ABI3BP: variants seen among roughly 807,000 people sequenced by gnomAD.
ABI3BP encodes target of Nesh-SH3.
In ABI3BP, 216 loss-of-function variants were observed where a neutral mutation model predicts 268.6. The ratio of observed to expected loss-of-function variants is 0.80; its 90% CI spans 0.72 to 0.90. ABI3BP has a LOEUF of 0.90. Ranked by LOEUF, ABI3BP falls within the 40% of genes least tolerant of loss-of-function variation. The pLI is 0.00. For missense variants in ABI3BP, 2,090 were observed against 2,182.4 expected, an observed-to-expected ratio of 0.96 and a Z score of 0.84; for synonymous variants, 730 against 730.0, an observed-to-expected ratio of 1.00 and a Z score of 0.00.
chr3:100,761,399 G>C (rs1321107787), intron 63 of ABI3BP, among the ~76,000 whole-genome samples: 3 of 152,106 alleles, frequency 2.0e-5, no homozygotes, highest in Non-Finnish European at 4.4e-5. Flanking sequence ...GCAGCTGGTA[G>C]CCAGGCTGGG....
At chr3:100,844,440 G>A (rs752869148) in intron 20 of ABI3BP, 103 of 985,206 alleles carry the variant, frequency 1.0e-4, no homozygotes, top group Admixed American at 9.2e-4. Flanking sequence ...ATTTTTACTC[G>A]TTGACTTAAC....
chr3:100,870,209 A>G (rs1162122466), intron 9 of ABI3BP, among the ~76,000 whole-genome samples: 2 of 152,230 alleles, frequency 1.3e-5, no homozygotes, highest in Non-Finnish European at 2.9e-5. Context: ...CAGCAAAGGA[A>G]GCAATAAACA....
chr3:100,832,588 A>G (rs2098512053), intron 30 of ABI3BP, among the ~76,000 whole-genome samples: 1 of 152,120 alleles, frequency 6.6e-6, no homozygotes, highest in Non-Finnish European at 1.5e-5. Context: ...AGAAACTATC[A>G]TTATTTTCTT....
At chr3:100,877,596 G>A (rs1286402645) in intron 6 of ABI3BP, among the ~76,000 whole-genome samples, 1 of 152,154 alleles carries the variant, frequency 6.6e-6, no homozygotes, top group East Asian at 1.9e-4. Context: ...GTCATTGCCA[G>A]ACATAATCAT....
intron 2 of ABI3BP, among the ~76,000 whole-genome samples, chr3:100,916,361 T>C (rs927306386): frequency 2.0e-5 from 3 of 152,218 alleles, no homozygotes; most frequent in Admixed American, 6.5e-5. Flanking sequence ...AGCTTTTCCA[T>C]GTAGGAGTGG....
At chr3:100,766,845 G>A (rs2096290216) in intron 62 of ABI3BP, among the ~76,000 whole-genome samples, 1 of 152,156 alleles carries the variant, frequency 6.6e-6, no homozygotes, top group Non-Finnish European at 1.5e-5. Context: ...AAATATGCAA[G>A]TACTGGACAT....
chr3:100,958,194 T>C lies in ABI3BP; in HGVS notation c.80-31713A>G, dbSNP rs538818921. 2.0e-5 allele frequency among the ~76,000 whole-genome samples: 3 copies of C among 152,304 alleles called. No homozygotes were observed. In the South Asian group the frequency reaches 6.2e-4, roughly 32 times the overall value. On this transcript the variant is annotated intron_variant, in intron 1 of 67. Transcript: ENST00000471714. Reference sequence around the variant, plus strand: ...TGTAAGTCTCACCTGCTGATGAAGATAAGAAATAAATTTATTATTTACAAA... The same window carrying C: ...TGTAAGTCTCACCTGCTGATGAAGACAAGAAATAAATTTATTATTTACAAA...
At chr3:100,828,344 T>C in intron 34 of ABI3BP, 49 bp downstream of exon 34, 1 of 1,474,884 alleles carries the variant, frequency 6.8e-7, no homozygotes, top group Non-Finnish European at 9.2e-7. Context: ...GGAATAAGCT[T>C]GACAGTGAGC....
In ABI3BP at chr3:100,751,577, A is replaced by C; in HGVS notation, c.5220T>G (p.Thr1740=). The part of the protein sequence containing the change: ...FLDGRTGQQL[T]SDQLPIKEGY... ...CTTCTTTGATTGGTAACTGGTCAGA[A>C]GTGAGTTGCTGCCCAGTGCGTCCAT... is the stretch of plus-strand genomic sequence containing the variant. The change falls in exon 67 of 68, where the codon ACT becomes ACG. Residue 1740 remains threonine, a synonymous_variant. Transcript: ENST00000471714. 1.3e-6 allele frequency: 2 copies of C among 1,597,008 alleles called. No homozygotes were observed. The highest frequency in any genetic ancestry group is 2.7e-5 in the African/African-American group (2 of 74,802).
intron 51 of ABI3BP, among the ~76,000 whole-genome samples, chr3:100,798,157 G>A (rs1464236247): frequency 6.6e-6 from 1 of 152,100 alleles, no homozygotes; most frequent in Non-Finnish European, 1.5e-5. Context: ...CCACCATACT[G>A]TAAATACATT....
intron 2 of ABI3BP, among the ~76,000 whole-genome samples, chr3:100,902,893 C>A (rs762794044): frequency 6.6e-6 from 1 of 152,104 alleles, no homozygotes; most frequent in Non-Finnish European, 1.5e-5. Flanking sequence ...ATTTTCCAAA[C>A]CAAATGGGCA....
In ABI3BP at chr3:100,807,073, A is replaced by C. The variant is rs184504666; in HGVS notation, c.3682+1088T>G. 7.2e-5 allele frequency among the ~76,000 whole-genome samples: 11 copies of C among 152,040 alleles called. No individual in the cohort carries two copies. The East Asian group carries it at 1.9e-3, about 27-fold the overall frequency. ...TTTCATCTTTTATAGTTCAACATTC[A>C]AGTTTTCATGGTTTCTTCTCCCCAT... On this transcript the variant is annotated intron_variant, in intron 50 of 67. Coordinates refer to ENST00000471714, the MANE Select transcript of ABI3BP (RefSeq NM_001375547.2).
chr3:100,847,029 T>C (rs2098777621), intron 19 of ABI3BP, among the ~76,000 whole-genome samples: 1 of 152,226 alleles, frequency 6.6e-6, no homozygotes, highest in Non-Finnish European at 1.5e-5. Flanking sequence ...GCATATCTTT[T>C]GCAGATGCAA....
Position 100,812,511 on chromosome 3 carries a change from A to G in ABI3BP, c.3377T>C (p.Leu1126Pro). The stretch of plus-strand genomic sequence containing the variant: ...CTCAGTACTAAGTGTAACCGATTCC[A>G]GAACATCAGAAACTAGTAAAAAACA... ...MTESQPVSDV[L>P]ESVTLSTESP... The change falls in exon 46 of 68, where the codon CTG (leucine) becomes CCG (proline). Residue 1126 changes from leucine to proline, a missense_variant. Leu to Pro is a moderately conservative substitution (Grantham distance 98). Coordinates refer to ENST00000471714, the MANE Select transcript of ABI3BP (RefSeq NM_001375547.2). The G allele has an allele frequency of 7.5e-7, 1 of 1,330,414 alleles. No homozygotes were observed. The highest frequency in any genetic ancestry group is 9.6e-7 in the Non-Finnish European group (1 of 1,040,984). 82.4% of individuals were successfully genotyped at this position (1,330,414 alleles called of 1,614,324 possible).
chr3:100,776,306 C>CAGGG (rs1307046905), intron 59 of ABI3BP, among the ~76,000 whole-genome samples: 2 of 152,182 alleles, frequency 1.3e-5, no homozygotes, highest in African/African-American at 4.8e-5. Context: ...ACCTGGCCTC[C>CAGGG]AGGGATGCAT....
At chr3:100,827,245 A>G (rs1339415170) in intron 34 of ABI3BP, among the ~76,000 whole-genome samples, 1 of 152,150 alleles carries the variant, frequency 6.6e-6, no homozygotes, top group African/African-American at 2.4e-5. Context: ...TAGCCTGCAC[A>G]CTGCGAAGTA....
At chr3:100,809,203 C>T (rs2097786864) in intron 49 of ABI3BP, among the ~76,000 whole-genome samples, 1 of 151,998 alleles carries the variant, frequency 6.6e-6, no homozygotes, top group Middle Eastern at 3.2e-3. Context: ...GGATTTAGAG[C>T]TCCCTTTGCT....
At chr3:100,891,951 A>G (rs1158236258) in intron 4 of ABI3BP, among the ~76,000 whole-genome samples, 1 of 152,202 alleles carries the variant, frequency 6.6e-6, no homozygotes, top group Non-Finnish European at 1.5e-5. Flanking sequence ...GTGTGGCACT[A>G]TCCAGCCTGA....
At chr3:100,911,752 G>C in intron 2 of ABI3BP, 1 of 947,186 alleles carries the variant, frequency 1.1e-6, no homozygotes, top group Non-Finnish European at 1.7e-6. Context: ...TTCAGTCGAT[G>C]AGTAGCGTAG....
Sources: allele counts gnomAD v4.1 joint callset (sites outside exome capture counted in the v4.1 genomes callset), GRCh38; gene constraint gnomAD v4.1.1; transcripts MANE v1.5; gene names NCBI Gene and HGNC (gene_info 2026-07-23, HGNC 2026-07-21).